The following IFNL2 variants were observed in gnomAD, a reference collection of about 807,000 sequenced individuals.
IFNL2 encodes interferon lambda 2.
IFNL2 carries 17 observed loss-of-function variants against 18.7 expected under a neutral mutation model. That is an observed-to-expected ratio of 0.91 (90% CI 0.62 to 1.36). The LOEUF is 1.36. Ranked by LOEUF, IFNL2 falls within the 40% of genes most tolerant of loss-of-function variation. IFNL2 has a pLI of 0.00. For synonymous variants in IFNL2, 96 were observed against 113.4 expected (o/e 0.85, Z 0.98); for missense variants, 225 against 257.3 (o/e 0.87, Z 0.86).
chr19:39,270,035 C>G lies in IFNL2; in HGVS notation c.*22C>G, dbSNP rs2075030626. On this transcript the variant is annotated 3_prime_UTR_variant, in exon 6 of 6. Transcript: ENST00000331982. ...CTGACCCTCCCACCAGTCATGCAAC[C>G]TGAGATTTTATTTATAAATTAGCCA... is the stretch of plus-strand genomic sequence containing the variant. 6.4e-7 allele frequency: 1 copy of G among 1,563,106 alleles called. No homozygotes were observed. The highest frequency in any genetic ancestry group is 8.7e-7 in the Non-Finnish European group (1 of 1,152,904).
intron 3 of IFNL2, 121 bp from the exon 4 acceptor site, chr19:39,269,367 T>A (rs986639987): frequency 6.7e-7 from 1 of 1,497,572 alleles, no homozygotes; most frequent in Non-Finnish European, 9.0e-7. Flanking sequence ...CGCTCCCACC[T>A]GACCACACTG....
Position 39,269,771 on chromosome 19 carries a change from C to A in IFNL2, c.454C>A (p.Arg152=), listed in dbSNP as rs747844205. 10 of 1,609,550 alleles carry A rather than the reference C, an allele frequency of 6.2e-6. No individual in the cohort carries two copies. In the South Asian group the frequency reaches 1.0e-4, roughly 16 times the overall value. The change falls in exon 5 of 6, where the codon CGG becomes AGG. Residue 152 remains arginine, a synonymous_variant. Transcript: ENST00000331982. ...TCAGCCCACGGCAGGGCCCAGGACC[C>A]GGGGCCGCCTCCACCATTGGCTGTA... ...QPQPTAGPRT[R]GRLHHWLYRL... is the part of the protein sequence containing the mutation.
chr19:39,269,340 C>T lies in IFNL2; in HGVS notation c.270+111C>T, dbSNP rs1418630324. On this transcript the variant is annotated intron_variant, in intron 3 of 5. Transcript: ENST00000331982. ...TTGTCTCTCTCTCTTCTCCTCACAC[C>T]TGCTCTCCCTTCCCTCCGCTCCCAC... 2.7e-6 allele frequency: 4 copies of T among 1,475,048 alleles called. No individual in the cohort carries two copies. In the Admixed American group the frequency reaches 6.0e-5, roughly 22 times the overall value. 91.4% of individuals were successfully genotyped at this position (1,475,048 alleles called of 1,614,324 possible).
In IFNL2 at chr19:39,269,990, G is replaced by A. The variant is rs747287136; in HGVS notation, c.580G>A (p.Ala194Thr). The A allele has an allele frequency of 1.2e-6, 2 of 1,601,704 alleles. No individual in the cohort carries two copies. The highest frequency in any genetic ancestry group is 2.2e-5 in the East Asian group (1 of 44,448). ...RLLTRDLNCV[A>T]SGDLCV ...CCTCACGCGAGACCTGAATTGTGTT[G>A]CCAGTGGGGACCTGTGTGTCTGACC... The change falls in exon 6 of 6, where the codon GCC (alanine) becomes ACC (threonine). Residue 194 changes from alanine to threonine, a missense_variant. Ala to Thr is a moderately conservative substitution (Grantham distance 58). Transcript: ENST00000331982.
At position 39,268,816 on chromosome 19, in the gene IFNL2, T is replaced by C; in HGVS notation, c.150T>C (p.Ser50=). The C allele has an allele frequency of 6.2e-7, 1 of 1,613,692 alleles. No individual in the cohort carries two copies. Among genetic ancestry groups the C allele is most frequent in the Non-Finnish European group, 8.5e-7 (1 of 1,179,818 alleles). ...GCHIAQFKSL[S]PQELQAFKRA... ...ACATAGCCCAGTTCAAGTCCCTGTC[T>C]CCACAGGAGCTGCAGGCCTTTAAGA... Residue 50 remains serine, a synonymous_variant, in exon 2 of 6, where the codon TCT becomes TCC. Transcript: ENST00000331982.
chr19:39,269,616 C>G lies in IFNL2; in HGVS notation c.399C>G (p.Ile133Met), dbSNP rs2075028197. The change falls in exon 4 of 6, where the codon ATC (isoleucine) becomes ATG (methionine). Residue 133 changes from isoleucine (I) to methionine (M), a missense_variant. Transcript: ENST00000331982. Reference sequence around the variant, plus strand: ...AGCCCCTTCACACCCTGCACCATATCCTCTCCCAGTTCCGGGCCTGTGTGA... The same window carrying G: ...AGCCCCTTCACACCCTGCACCATATGCTCTCCCAGTTCCGGGCCTGTGTGA... Reference protein sequence around the residue: ...LDQPLHTLHHILSQFRACIQP... With the variant: ...LDQPLHTLHHMLSQFRACIQP... 1 of 1,614,200 alleles carries G rather than the reference C, an allele frequency of 6.2e-7. No homozygotes were observed. Among genetic ancestry groups the G allele is most frequent in the South Asian group, 1.1e-5 (1 of 91,082 alleles).
rs767990657 is a variant in IFNL2 at position 39,268,769 on chromosome 19, C to A, written c.103C>A (p.Leu35Ile). Reference sequence around the variant, plus strand: ...TCCTGTCGCCAGGCTCCACGGGGCTCTCCCGGATGCAAGGGGCTGCCACAT... The same window carrying A: ...TCCTGTCGCCAGGCTCCACGGGGCTATCCCGGATGCAAGGGGCTGCCACAT... ...AVPVARLHGA[L>I]PDARGCHIAQ... Residue 35 changes from leucine to isoleucine, a missense_variant, in exon 2 of 6, where the codon CTC (leucine) becomes ATC (isoleucine). Coordinates refer to ENST00000331982, the MANE Select transcript of IFNL2 (RefSeq NM_172138.2). The A allele has an allele frequency of 1.2e-6, 2 of 1,613,514 alleles. No individual in the cohort carries two copies. Among genetic ancestry groups the A allele is most frequent in the Non-Finnish European group, 1.7e-6 (2 of 1,179,864 alleles).
intron 3 of IFNL2, 73 bp downstream of exon 3, chr19:39,269,302 GTC>G: frequency 6.6e-7 from 1 of 1,522,930 alleles, no homozygotes; most frequent in East Asian, 2.4e-5. Context: ...CCCCTTCACC[GTC>G]TCTTTCTCCC....
chr19:39,269,093 C>T (rs1466368204), intron 2 of IFNL2, 59 bp from the exon 3 acceptor site: 26 of 1,561,328 alleles, frequency 1.7e-5, no homozygotes, highest in East Asian at 4.6e-5. Flanking sequence ...TCCAATCCCA[C>T]CAGGATGGTC....
At position 39,269,999 on chromosome 19, in the gene IFNL2, G is replaced by A; in HGVS notation, c.589G>A (p.Asp197Asn). Residue 197 changes from aspartate (D) to asparagine (N), a missense_variant, in exon 6 of 6, where the codon GAC (aspartate) becomes AAC (asparagine). By Grantham distance (23) the Asp-to-Asn change is conservative. Transcript: ENST00000331982. Reference sequence around the variant, plus strand: ...AGACCTGAATTGTGTTGCCAGTGGGGACCTGTGTGTCTGACCCTCCCACCA... The same window carrying A: ...AGACCTGAATTGTGTTGCCAGTGGGAACCTGTGTGTCTGACCCTCCCACCA... Reference protein sequence around the residue: ...TRDLNCVASGDLCV With the variant: ...TRDLNCVASGNLCV The A allele has an allele frequency of 1.3e-6, 2 of 1,598,672 alleles. No homozygotes were observed. Among genetic ancestry groups the A allele is most frequent in the East Asian group, 2.3e-5 (1 of 44,290 alleles).
chr19:39,269,557 G>A lies in IFNL2; in HGVS notation c.340G>A (p.Asp114Asn), dbSNP rs1300232742. ...LTLKVLEATA[D>N]TDPALVDVLD... ...GCTGAAGGTTCTGGAGGCCACCGCT[G>A]ACACTGACCCAGCCCTGGTGGACGT... The change falls in exon 4 of 6, where the codon GAC (aspartate) becomes AAC (asparagine). Residue 114 changes from aspartate to asparagine, a missense_variant. Physicochemically the swap from Asp to Asn is conservative, Grantham distance 23 (BLOSUM62 1). Coordinates refer to ENST00000331982, the MANE Select transcript of IFNL2 (RefSeq NM_172138.2). 28 of 1,614,166 alleles carry A rather than the reference G, an allele frequency of 1.7e-5. No individual in the cohort carries two copies. Among genetic ancestry groups the A allele is most frequent in the Non-Finnish European group, 2.4e-5 (28 of 1,180,004 alleles).
In IFNL2 at chr19:39,268,671, A is replaced by C. The variant is rs367579693; in HGVS notation, c.11-6A>C. 1 of 1,613,452 alleles carries C rather than the reference A, an allele frequency of 6.2e-7. No homozygotes were observed. The highest frequency in any genetic ancestry group is 8.5e-7 in the Non-Finnish European group (1 of 1,179,844). On this transcript the variant is annotated splice_region_variant and splice_polypyrimidine_tract_variant and intron_variant, in intron 1 of 5. Coordinates refer to ENST00000331982, the MANE Select transcript of IFNL2 (RefSeq NM_172138.2). ...CCCCTCAGCTCCCTTTCTCTCTGTG[A>C]CACAGACATGACTGGGGACTGCACG...
chr19:39,269,714 C>T (rs1347880361), intron 4 of IFNL2, 24 bp from the exon 5 acceptor site: 18 of 1,605,648 alleles, frequency 1.1e-5, no homozygotes, highest in African/African-American at 5.4e-5. Context: ...CCCCGGCTCA[C>T]ACACCGCCCT....
rs776193226 is a variant in IFNL2, at chr19:39,269,780, C to T, written c.463C>T (p.Leu155Phe). 5.0e-6 allele frequency: 8 copies of T among 1,609,766 alleles called. No homozygotes were observed. The African/African-American group carries it at 9.4e-5, about 19-fold the overall frequency. ...PTAGPRTRGR[L>F]HHWLYRLQEA... is the part of the protein sequence containing the mutation. Reference sequence around the variant, plus strand: ...GGCAGGGCCCAGGACCCGGGGCCGCCTCCACCATTGGCTGTACCGGCTCCA... The same window carrying T: ...GGCAGGGCCCAGGACCCGGGGCCGCTTCCACCATTGGCTGTACCGGCTCCA... Residue 155 changes from leucine to phenylalanine, a missense_variant, in exon 5 of 6, where the codon CTC becomes TTC. Leu to Phe is a conservative substitution (Grantham distance 22). Coordinates refer to ENST00000331982, the MANE Select transcript of IFNL2 (RefSeq NM_172138.2).
chr19:39,268,809 C>T lies in IFNL2; in HGVS notation c.143C>T (p.Ser48Phe). The T allele has an allele frequency of 6.2e-7, 1 of 1,613,798 alleles. No individual in the cohort carries two copies. Among genetic ancestry groups the T allele is most frequent in the Non-Finnish European group, 8.5e-7 (1 of 1,179,844 alleles). Residue 48 changes from serine (S) to phenylalanine (F), a missense_variant, in exon 2 of 6, where the codon TCC becomes TTC. By Grantham distance (155) the Ser-to-Phe change is radical (BLOSUM62 -2). Transcript: ENST00000331982. Reference protein sequence around the residue: ...ARGCHIAQFKSLSPQELQAFK... With the variant: ...ARGCHIAQFKFLSPQELQAFK... Reference sequence around the variant, plus strand: ...GGCTGCCACATAGCCCAGTTCAAGTCCCTGTCTCCACAGGAGCTGCAGGCC... The same window carrying T: ...GGCTGCCACATAGCCCAGTTCAAGTTCCTGTCTCCACAGGAGCTGCAGGCC...
In IFNL2 at chr19:39,269,626, T is replaced by C. The variant is rs200736899; in HGVS notation, c.409T>C (p.Phe137Leu). 1,005 of 1,613,756 alleles carry C rather than the reference T, an allele frequency of 6.2e-4. 9 individuals carry two copies. Among genetic ancestry groups the C allele is most frequent in the South Asian group, 6.0e-3 (548 of 91,072 alleles). ...CACCCTGCACCATATCCTCTCCCAG[T>C]TCCGGGCCTGTGTGAGTCGTTGGGG... ...LHTLHHILSQ[F>L]RACIQPQPTA... Residue 137 changes from phenylalanine to leucine, a missense_variant, in exon 4 of 6, where the codon TTC becomes CTC. Physicochemically the swap from Phe to Leu is conservative, Grantham distance 22. Transcript: ENST00000331982.
chr19:39,269,327 CTT>C, intron 3 of IFNL2, 98 bp downstream of exon 3: 1 of 1,482,288 alleles, frequency 6.7e-7, no homozygotes, highest in Non-Finnish European at 9.2e-7. Context: ...GTCTCTCTCT[CTT>C]CTCCTCACAC....
Position 39,269,187 on chromosome 19 carries a change from C to T in IFNL2, c.228C>T (p.His76=), listed in dbSNP as rs1016651857. ...TTCTGCTGAAGGACTGCAGGTGCCACTCCCGCCTCTTCCCCAGGACCTGGG... is the reference window on the plus strand; with the variant it reads ...TTCTGCTGAAGGACTGCAGGTGCCATTCCCGCCTCTTCCCCAGGACCTGGG... ...ESLLLKDCRC[H]SRLFPRTWDL... is the part of the protein sequence containing the mutation. Residue 76 remains histidine, a synonymous_variant, in exon 3 of 6, where the codon CAC becomes CAT. Transcript: ENST00000331982. 1.9e-6 allele frequency: 3 copies of T among 1,610,168 alleles called. No individual in the cohort carries two copies. Among genetic ancestry groups the T allele is most frequent in the Admixed American group, 1.7e-5 (1 of 59,572 alleles).
rs377643651 is a variant in IFNL2 at position 39,269,177 on chromosome 19, G to T, written c.218G>T (p.Cys73Phe). Residue 73 changes from cysteine (C) to phenylalanine (F), a missense_variant, in exon 3 of 6, where the codon TGC becomes TTC. Coordinates refer to ENST00000331982, the MANE Select transcript of IFNL2 (RefSeq NM_172138.2). ...ALEESLLLKD[C>F]RCHSRLFPRT... ...GAAGAGTCGCTTCTGCTGAAGGACT[G>T]CAGGTGCCACTCCCGCCTCTTCCCC... 4 of 1,611,448 alleles carry T rather than the reference G, an allele frequency of 2.5e-6. No individual in the cohort carries two copies. Among genetic ancestry groups the T allele is most frequent in the Non-Finnish European group, 3.4e-6 (4 of 1,178,890 alleles).
Sources: gnomAD v4.1 joint callset for allele counts on GRCh38, gnomAD v4.1.1 for gene constraint, MANE v1.5 for transcripts, NCBI Gene and HGNC (gene_info 2026-07-23, HGNC 2026-07-21) for gene names.